The following DTWD2 variants were observed in gnomAD, a reference collection of about 807,000 sequenced individuals.
The protein encoded by DTWD2 is DTW motif tRNA-uridine aminocarboxypropyltransferase 2.
Under a neutral mutation model 31.8 loss-of-function variants are expected in DTWD2, and 39 were observed. That is an observed-to-expected ratio of 1.22 (90% CI 0.95 to 1.60). The LOEUF (loss-of-function observed/expected upper bound fraction) is 1.60, where lower values mean the gene tolerates loss of function less well. Ranked by LOEUF, DTWD2 falls within the 40% of genes most tolerant of loss-of-function variation. The pLI is 0.00. For missense variants in DTWD2, 515 were observed against 381.5 expected (o/e 1.35, Z -2.92); for synonymous variants, 180 against 142.8 (o/e 1.26, Z -1.86).
intron 1 of DTWD2, among the ~76,000 whole-genome samples, chr5:118,984,001 C>A (rs1161994900): frequency 6.6e-6 from 1 of 151,914 alleles, no homozygotes; most frequent in Non-Finnish European, 1.5e-5. Flanking sequence ...CAATACAAAA[C>A]CTAGGCTGGG....
chr5:118,912,337 TA>T (rs767910040), intron 4 of DTWD2, among the ~76,000 whole-genome samples: 4 of 152,078 alleles, frequency 2.6e-5, no homozygotes, highest in Non-Finnish European at 5.9e-5. Flanking sequence ...GAACTGTACA[TA>T]AGATAGAAAA....
Position 118,981,494 on chromosome 5 carries a change from G to C in DTWD2, c.218+6800C>G, listed in dbSNP as rs117091402. ...GGCTCAATACATACCTTTTCAACTA[G>C]GTTTCCAATAGTGAAAAATGAAAAA... On this transcript the variant is annotated intron_variant, in intron 1 of 5. Coordinates refer to ENST00000510708, the MANE Select transcript of DTWD2 (RefSeq NM_173666.4). Among the ~76,000 whole-genome samples, 80 of 151,948 alleles carry C rather than the reference G, an allele frequency of 5.3e-4. 1 individual carries two copies. In the East Asian group the frequency reaches 0.014, roughly 27 times the overall value.
chr5:118,850,477 CAAAAAAAAAAAAAA>C lies in DTWD2; in HGVS notation c.598-2273_598-2260del, dbSNP rs34808087. ...TGGGTGACAGAGCCAGACCCCACCA[CAAAAAAAAAAAAAA>C]AAAAAAAAAAAAAAAAAAATTAATT... On this transcript the variant is annotated intron_variant, in intron 4 of 5. Coordinates refer to ENST00000510708, the MANE Select transcript of DTWD2 (RefSeq NM_173666.4). Among the ~76,000 whole-genome samples the C allele has an allele frequency of 1.7e-3, 53 of 30,474 alleles. 1 individual carries two copies. Among genetic ancestry groups the C allele is most frequent in the South Asian group, 6.0e-3 (3 of 504 alleles). The allele number at this position is 30,474 out of a possible 152,430, so 20.0% of individuals were successfully genotyped here.
intron 4 of DTWD2, among the ~76,000 whole-genome samples, chr5:118,908,836 G>A (rs1463746935): frequency 6.6e-6 from 1 of 152,222 alleles, no homozygotes; most frequent in South Asian, 2.1e-4. Flanking sequence ...GAACGTCAGT[G>A]AGAAGGCAAA....
At chr5:118,877,910 G>C (rs1279725830) in intron 4 of DTWD2, among the ~76,000 whole-genome samples, 1 of 152,092 alleles carries the variant, frequency 6.6e-6, no homozygotes, top group Non-Finnish European at 1.5e-5. Flanking sequence ...CAGTTAAGCT[G>C]AGAGCCAATT....
At chr5:118,859,731 TC>T (rs1353568672) in intron 4 of DTWD2, among the ~76,000 whole-genome samples, 1 of 152,208 alleles carries the variant, frequency 6.6e-6, no homozygotes, top group African/African-American at 2.4e-5. Flanking sequence ...TCAAGGTCTG[TC>T]CCCTCTACTT....
At chr5:118,843,028 C>A (rs1389655662) in intron 5 of DTWD2, among the ~76,000 whole-genome samples, 25 of 147,866 alleles carry the variant, frequency 1.7e-4, no homozygotes, top group Non-Finnish European at 1.2e-4. Flanking sequence ...ACAATCTCAG[C>A]TCACTGCAAC....
chr5:118,877,366 G>A (rs1410881566), intron 4 of DTWD2, among the ~76,000 whole-genome samples: 1 of 152,124 alleles, frequency 6.6e-6, no homozygotes, highest in Non-Finnish European at 1.5e-5. Context: ...CAGGTACTTG[G>A]GAGGCTGAGG....
chr5:118,988,333 A>ACCGGCAGCTCCCACAGC lies in DTWD2; in HGVS notation c.162_178dup (p.Val60GlyfsTer44), dbSNP rs1292075854. The ACCGGCAGCTCCCACAGC allele has an allele frequency of 2.1e-5, 33 of 1,545,870 alleles. No homozygotes were observed. The highest frequency in any genetic ancestry group is 2.7e-5 in the Non-Finnish European group (31 of 1,149,886). ...CTCAGGCCTCCGCTCGGCCGGCTCCACCGGCAGCTCCCACAGCCCGTCCGC... is the reference window on the plus strand; with the variant it reads ...CTCAGGCCTCCGCTCGGCCGGCTCCACCGGCAGCTCCCACAGCCCGGCAGCTCCCACAGCCCGTCCGC... On this transcript the variant is annotated frameshift_variant, in exon 1 of 6. Coordinates refer to ENST00000510708, the MANE Select transcript of DTWD2 (RefSeq NM_173666.4). LOFTEE classifies it high-confidence loss of function.
intron 1 of DTWD2, among the ~76,000 whole-genome samples, chr5:118,983,671 C>T (rs1399388823): frequency 1.3e-5 from 2 of 152,202 alleles, no homozygotes; most frequent in African/African-American, 4.8e-5. Context: ...GTCTGAAAAT[C>T]TTGCAGACTT....
chr5:118,841,978 A>G (rs1343787403), intron 5 of DTWD2, among the ~76,000 whole-genome samples: 1 of 152,172 alleles, frequency 6.6e-6, no homozygotes, highest in Non-Finnish European at 1.5e-5. Flanking sequence ...CTACGTGAAA[A>G]TGTATTAACC....
chr5:118,966,219 C>T (rs1244650376), intron 1 of DTWD2, among the ~76,000 whole-genome samples: 4 of 152,098 alleles, frequency 2.6e-5, no homozygotes, highest in African/African-American at 7.2e-5. Flanking sequence ...GGGATTTGGC[C>T]GTTTATCATT....
At chr5:118,986,263 A>G (rs1267939274) in intron 1 of DTWD2, among the ~76,000 whole-genome samples, 3 of 152,214 alleles carry the variant, frequency 2.0e-5, no homozygotes, top group Non-Finnish European at 2.9e-5. Context: ...AATGGAATAC[A>G]GGCAGGTTTT....
chr5:118,854,367 T>A (rs1752082633), intron 4 of DTWD2, among the ~76,000 whole-genome samples: 1 of 152,090 alleles, frequency 6.6e-6, no homozygotes, highest in African/African-American at 2.4e-5. Flanking sequence ...GTCAAAATAT[T>A]GTCATTAATT....
intron 1 of DTWD2, among the ~76,000 whole-genome samples, chr5:118,969,974 T>C (rs937523611): frequency 6.6e-5 from 10 of 152,112 alleles, no homozygotes; most frequent in Admixed American, 6.6e-4. Context: ...ACAGCCAGTT[T>C]AGAGAGGAAC....
intron 4 of DTWD2, among the ~76,000 whole-genome samples, chr5:118,909,917 C>T (rs1376192266): frequency 6.6e-6 from 1 of 152,196 alleles, no homozygotes; most frequent in Non-Finnish European, 1.5e-5. Context: ...CCCATCAGTG[C>T]TCTCCTCCTG....
chr5:118,965,934 A>T (rs75762067), intron 1 of DTWD2, among the ~76,000 whole-genome samples: 4 of 151,688 alleles, frequency 2.6e-5, no homozygotes, highest in African/African-American at 7.3e-5. Context: ...AATGATCAAT[A>T]AAAAAAATAA....
intron 4 of DTWD2, among the ~76,000 whole-genome samples, chr5:118,904,557 G>A (rs574827097): frequency 2.0e-5 from 3 of 152,140 alleles, no homozygotes; most frequent in African/African-American, 7.2e-5. Context: ...CCTGTGTTTA[G>A]AAAAATTCCT....
intron 1 of DTWD2, among the ~76,000 whole-genome samples, chr5:118,981,788 A>G (rs1273767097): frequency 5.3e-5 from 8 of 152,236 alleles, no homozygotes; most frequent in Non-Finnish European, 1.2e-4. Flanking sequence ...GACTTTAAGA[A>G]ATACAATAAT....
Sources: allele counts gnomAD v4.1 joint callset (sites outside exome capture counted in the v4.1 genomes callset), GRCh38; gene constraint gnomAD v4.1.1; transcripts MANE v1.5; gene names NCBI Gene and HGNC (gene_info 2026-07-23, HGNC 2026-07-21).